RANBP2: variants seen among roughly 807,000 people sequenced by gnomAD.
RANBP2 encodes E3 SUMO-protein ligase RanBP2.
In RANBP2, 57 loss-of-function variants were observed where a neutral mutation model predicts 303.6. That is an observed-to-expected ratio of 0.19 (90% CI 0.15 to 0.23). RANBP2 has a LOEUF of 0.23. Ranked by LOEUF, RANBP2 falls within the 10% of genes least tolerant of loss-of-function variation. The probability of loss-of-function intolerance (pLI) is 1.00; values close to 1 mark genes in which losing one functional copy is unlikely to be tolerated. For missense variants in RANBP2, 3,138 were observed against 3,780.8 expected, an observed-to-expected ratio of 0.83 and a Z score of 4.46; for synonymous variants, 1,167 against 1,301.5, an observed-to-expected ratio of 0.90 and a Z score of 2.23.
the RANBP2 span, among the ~76,000 whole-genome samples, chr2:109,268,005 C>T: frequency 7.2e-4 from 109 of 152,028 alleles, no homozygotes; most frequent in African/African-American, 2.3e-3. Flanking sequence ...GACATCCCCA[C>T]TAAGGGTCCT....
At chr2:109,421,329 A>T in the RANBP2 span, among the ~76,000 whole-genome samples, 7 of 152,230 alleles carry the variant, frequency 4.6e-5, no homozygotes, top group Admixed American at 2.6e-4. Context: ...GCCTGTACAC[A>T]GGCTCTCAGT....
the RANBP2 span, among the ~76,000 whole-genome samples, chr2:109,426,014 C>T: frequency 6.6e-6 from 1 of 152,214 alleles, no homozygotes; most frequent in Non-Finnish European, 1.5e-5. Flanking sequence ...TCTCCTGCCT[C>T]AGCCTTCCCG....
the RANBP2 span, among the ~76,000 whole-genome samples, chr2:109,415,241 A>T: frequency 2.6e-5 from 4 of 152,208 alleles, no homozygotes; most frequent in African/African-American, 9.7e-5. Context: ...AGTGATTGTA[A>T]GCCCCTGAGT....
At chr2:109,669,952 G>A in the RANBP2 span, among the ~76,000 whole-genome samples, 1 of 150,624 alleles carries the variant, frequency 6.6e-6, no homozygotes, top group African/African-American at 2.5e-5. Flanking sequence ...CACGGGCAGT[G>A]CAGCCTCTGA....
At chr2:109,488,125 G>A in the RANBP2 span, among the ~76,000 whole-genome samples, 3 of 152,192 alleles carry the variant, frequency 2.0e-5, no homozygotes, top group African/African-American at 7.2e-5. Flanking sequence ...GCTCCGCCGG[G>A]ACACCTGGGG....
chr2:109,553,345 G>C, the RANBP2 span: 7 of 838,522 alleles, frequency 8.3e-6, no homozygotes, highest in South Asian at 1.3e-4. Context: ...AGGAGTCCAA[G>C]ACCAGCCTGG....
At chr2:108,984,484 C>T in the RANBP2 span, among the ~76,000 whole-genome samples, 1 of 152,152 alleles carries the variant, frequency 6.6e-6, no homozygotes, top group Admixed American at 6.5e-5. Context: ...TTCTGTTCAA[C>T]CCTCCTTTCC....
the RANBP2 span, among the ~76,000 whole-genome samples, chr2:109,070,077 G>T: frequency 6.6e-6 from 1 of 152,192 alleles, no homozygotes; most frequent in Non-Finnish European, 1.5e-5. Flanking sequence ...GCCAGCCTGC[G>T]ACGTGCTGGG....
At chr2:109,032,602 A>G in the RANBP2 span, among the ~76,000 whole-genome samples, 150,361 of 152,146 alleles carry the variant, frequency 0.99, 74,328 homozygotes, top group Middle Eastern at 1. Context: ...GGGGTGGGGG[A>G]GTCTTTCCTC....
At chr2:109,117,001 C>T in the RANBP2 span, among the ~76,000 whole-genome samples, 1 of 152,212 alleles carries the variant, frequency 6.6e-6, no homozygotes. Context: ...AGTTTTGTCT[C>T]AGAGGAGTAC....
the RANBP2 span, among the ~76,000 whole-genome samples, chr2:109,080,847 C>T: frequency 6.6e-6 from 1 of 152,144 alleles, no homozygotes; most frequent in South Asian, 2.1e-4. Context: ...CTCTCTGTTG[C>T]AAACAACAGA....
At chr2:109,166,221 G>A in the RANBP2 span, among the ~76,000 whole-genome samples, 17 of 152,160 alleles carry the variant, frequency 1.1e-4, no homozygotes, top group African/African-American at 3.9e-4. Flanking sequence ...GCTTATGCCT[G>A]TCATCCCAGC....
chr2:108,967,983 C>T, the RANBP2 span, among the ~76,000 whole-genome samples: 1 of 152,152 alleles, frequency 6.6e-6, no homozygotes, highest in Non-Finnish European at 1.5e-5. Flanking sequence ...CTCATGCACA[C>T]AGAACAGGAC....
At chr2:109,574,557 A>C in the RANBP2 span, 1 of 1,409,758 alleles carries the variant, frequency 7.1e-7, no homozygotes, top group South Asian at 1.8e-5. Context: ...AAGTATGGTA[A>C]GTTGATTCCT....
the RANBP2 span, among the ~76,000 whole-genome samples, chr2:109,046,100 T>C: frequency 2.6e-5 from 4 of 151,864 alleles, no homozygotes; most frequent in South Asian, 2.1e-4. Flanking sequence ...GTCAGGAGAT[T>C]GAGACCATCC....
the RANBP2 span, chr2:109,543,092 AATC>A: frequency 6.5e-6 from 1 of 152,768 alleles, no homozygotes; most frequent in African/African-American, 2.4e-5. Flanking sequence ...AAATGTTAGA[AATC>A]ATTAAAATGT....
rs534500585 is a variant in RANBP2, at chr2:108,766,212, C to T, written c.5673C>T (p.Ile1891=). The T allele has an allele frequency of 3.0e-5, 49 of 1,612,168 alleles. No individual in the cohort carries two copies. In the South Asian group the frequency reaches 5.3e-4, roughly 17 times the overall value. ...AGTCAACCAAAGAAGGATTTTCCAT[C>T]CCTGTGTCTGCTGATGGATTTAAAT... ...EFKSTKEGFS[I]PVSADGFKFG... is the part of the protein sequence containing the mutation. The change falls in exon 20 of 29, where the codon ATC becomes ATT. Residue 1891 remains isoleucine (I), a synonymous_variant. Coordinates refer to ENST00000283195, the MANE Select transcript of RANBP2 (RefSeq NM_006267.5).
the RANBP2 span, among the ~76,000 whole-genome samples, chr2:108,990,921 A>G: frequency 6.6e-6 from 1 of 152,222 alleles, no homozygotes; most frequent in East Asian, 1.9e-4. Context: ...GTTCTACTCC[A>G]TATAATTTTT....
At chr2:108,829,520 C>T in the RANBP2 span, among the ~76,000 whole-genome samples, 9 of 152,158 alleles carry the variant, frequency 5.9e-5, no homozygotes, top group African/African-American at 9.7e-5. Context: ...CCAAGGCAGG[C>T]GGGTCACTTG....
Sources: gnomAD v4.1 joint callset for allele counts (sites outside exome capture counted in the v4.1 genomes callset) on GRCh38, gnomAD v4.1.1 for gene constraint, MANE v1.5 for transcripts, NCBI Gene and HGNC (gene_info 2026-07-23, HGNC 2026-07-21) for gene names.